Variants in CADPS2 observed in about 807,000 individuals in gnomAD.
The protein encoded by CADPS2 is calcium-dependent secretion activator 2.
In CADPS2, 93 loss-of-function variants were observed where a neutral mutation model predicts 172.5. That is an observed-to-expected ratio of 0.54 (90% CI 0.46 to 0.64). The LOEUF is 0.64. Ranked by LOEUF, CADPS2 falls within the 30% of genes least tolerant of loss-of-function variation. CADPS2 has a pLI of 0.00. For missense variants in CADPS2, 1,420 were observed against 1,565.9 expected, an observed-to-expected ratio of 0.91 and a Z score of 1.57; for synonymous variants, 546 against 555.2, an observed-to-expected ratio of 0.98 and a Z score of 0.23.
chr7:122,579,450 A>AATATATATATATATATAT (rs3034498), intron 7 of CADPS2, among the ~76,000 whole-genome samples: 102 of 128,640 alleles, frequency 7.9e-4, no homozygotes, highest in African/African-American at 2.5e-3. Context: ...AATTGCATCG[A>AATATATATATATATATAT]ATATATATAT....
chr7:122,594,740 C>G (rs975857911), intron 6 of CADPS2, among the ~76,000 whole-genome samples: 1 of 151,614 alleles, frequency 6.6e-6, no homozygotes, highest in African/African-American at 2.4e-5. Context: ...GCTTGAAGCA[C>G]CTAATTTTAA....
intron 1 of CADPS2, among the ~76,000 whole-genome samples, chr7:122,807,055 G>A (rs531897408): frequency 6.6e-6 from 1 of 152,324 alleles, no homozygotes; most frequent in South Asian, 2.1e-4. Context: ...AGAGCAAGAG[G>A]AAGGGGCTTT....
intron 20 of CADPS2, among the ~76,000 whole-genome samples, chr7:122,402,036 A>G (rs1373791176): frequency 6.6e-6 from 1 of 151,818 alleles, no homozygotes; most frequent in Non-Finnish European, 1.5e-5. Flanking sequence ...ATGTTTTTTT[A>G]TTTTTTTCTC....
intron 5 of CADPS2, 56 bp from the exon 6 acceptor site, chr7:122,615,355 A>T: frequency 8.5e-7 from 1 of 1,178,706 alleles, no homozygotes; most frequent in Non-Finnish European, 1.2e-6. Context: ...TTAGCAATAT[A>T]CATAAACAGC....
At chr7:122,595,979 G>A (rs1039709366) in intron 6 of CADPS2, among the ~76,000 whole-genome samples, 5 of 152,022 alleles carry the variant, frequency 3.3e-5, no homozygotes, top group Admixed American at 2.6e-4. Context: ...CTAGCACTGC[G>A]GTCCACTGTA....
intron 1 of CADPS2, among the ~76,000 whole-genome samples, chr7:122,800,241 G>A (rs553724839): frequency 6.6e-6 from 1 of 152,202 alleles, no homozygotes; most frequent in East Asian, 1.9e-4. Context: ...AAATTTATGA[G>A]AAATATTTTG....
At chr7:122,743,154 A>C (rs1361473027) in intron 1 of CADPS2, among the ~76,000 whole-genome samples, 1 of 152,190 alleles carries the variant, frequency 6.6e-6, no homozygotes, top group South Asian at 2.1e-4. Context: ...CTAAAACATA[A>C]ATATAATTGC....
chr7:122,765,906 G>T lies in CADPS2; in HGVS notation c.340-28838C>A, dbSNP rs2082737494. On this transcript the variant is annotated intron_variant, in intron 1 of 29. Coordinates refer to ENST00000449022, the MANE Select transcript of CADPS2 (RefSeq NM_017954.11). ...ATTTCTGGGCTCAATTCCTGTAGAG[G>T]AATTGTGAAGATGAATAGACAACGT... Among the ~76,000 whole-genome samples, 2 of 152,016 alleles carry T rather than the reference G, an allele frequency of 1.3e-5. 1 individual carries two copies. Among genetic ancestry groups the T allele is most frequent in the Admixed American group, 1.3e-4 (2 of 15,240 alleles).
chr7:122,381,151 C>G (rs955406238), intron 24 of CADPS2, among the ~76,000 whole-genome samples: 2 of 152,108 alleles, frequency 1.3e-5, no homozygotes, highest in Non-Finnish European at 2.9e-5. Flanking sequence ...GGCCCCCCAG[C>G]TCCTGGCTGA....
chr7:122,724,143 G>A (rs900276062), intron 2 of CADPS2, among the ~76,000 whole-genome samples: 5 of 151,592 alleles, frequency 3.3e-5, no homozygotes, highest in Non-Finnish European at 5.9e-5. Flanking sequence ...AAACCTGCAC[G>A]TTTTGCACAT....
intron 4 of CADPS2, among the ~76,000 whole-genome samples, chr7:122,623,220 C>T (rs2075771403): frequency 6.7e-6 from 1 of 148,460 alleles, no homozygotes; most frequent in African/African-American, 2.5e-5. Flanking sequence ...CTATAAAATA[C>T]CTGGGTTTCC....
chr7:122,587,286 C>T (rs1329828546), intron 6 of CADPS2, among the ~76,000 whole-genome samples: 2 of 151,980 alleles, frequency 1.3e-5, no homozygotes, highest in Admixed American at 6.6e-5. Flanking sequence ...CCATGACAGG[C>T]CCCAGTGTGT....
intron 9 of CADPS2, among the ~76,000 whole-genome samples, chr7:122,512,600 C>T (rs1563556243): frequency 6.6e-6 from 1 of 152,206 alleles, no homozygotes; most frequent in East Asian, 1.9e-4. Flanking sequence ...GTCAAGTTGA[C>T]TTAAAAACAT....
chr7:122,432,803 ACTACAG>A (rs1242081046), intron 17 of CADPS2, among the ~76,000 whole-genome samples: 3 of 151,930 alleles, frequency 2.0e-5, no homozygotes, highest in African/African-American at 7.2e-5. Flanking sequence ...ACTACAAGAG[ACTACAG>A]TGTCAAAGTA....
chr7:122,536,300 A>T (rs1462219266), intron 8 of CADPS2, among the ~76,000 whole-genome samples: 1 of 152,098 alleles, frequency 6.6e-6, no homozygotes, highest in Non-Finnish European at 1.5e-5. Context: ...AAAATGAGGA[A>T]TTAAAGATGA....
intron 7 of CADPS2, 54 bp downstream of exon 7, chr7:122,581,125 T>C: frequency 7.9e-7 from 1 of 1,266,168 alleles, no homozygotes; most frequent in South Asian, 1.2e-5. Context: ...TAATCATGAA[T>C]CCAAAGAAGT....
chr7:122,325,568 C>A lies in CADPS2; in HGVS notation c.3626G>T (p.Ser1209Ile). ...CCACACGCAAATGACTTTCATGGAA[C>A]TGCTGTACCATTGCTAGAAGGGAGA... ...IEKLFDQWYS[S>I]SMKVICVWLT... The change falls in exon 29 of 30, where the codon AGT becomes ATT. Residue 1209 changes from serine (S) to isoleucine (I), a missense_variant. Coordinates refer to ENST00000449022, the MANE Select transcript of CADPS2 (RefSeq NM_017954.11). 6.2e-7 allele frequency: 1 copy of A among 1,608,916 alleles called. No homozygotes were observed.
At chr7:122,670,121 T>G (rs1048995015) in intron 2 of CADPS2, among the ~76,000 whole-genome samples, 7 of 152,030 alleles carry the variant, frequency 4.6e-5, no homozygotes, top group African/African-American at 1.4e-4. Flanking sequence ...TTCAGAGGTT[T>G]ATCTGGCAGC....
chr7:122,820,270 T>C (rs550411752), intron 1 of CADPS2, among the ~76,000 whole-genome samples: 5 of 152,276 alleles, frequency 3.3e-5, no homozygotes, highest in Admixed American at 6.5e-5. Flanking sequence ...GCAAATTACC[T>C]AGGCTGCACT....
Sources: gnomAD v4.1 joint callset for allele counts (sites outside exome capture counted in the v4.1 genomes callset) on GRCh38, gnomAD v4.1.1 for gene constraint, MANE v1.5 for transcripts, NCBI Gene and HGNC (gene_info 2026-07-23, HGNC 2026-07-21) for gene names.